SLC39A8: variants seen among roughly 807,000 people sequenced by gnomAD.
SLC39A8 encodes the protein metal cation symporter ZIP8.
Under a neutral mutation model 40.4 loss-of-function variants are expected in SLC39A8, and 15 were observed. The ratio of observed to expected loss-of-function variants is 0.37; its 90% CI spans 0.25 to 0.57. SLC39A8 has a LOEUF of 0.57. Among genes scored for constraint, SLC39A8 ranks in the 20% least tolerant of loss-of-function variants. SLC39A8 has a pLI of 0.75. For synonymous variants in SLC39A8, 223 were observed against 221.6 expected (o/e 1.01, Z -0.06); for missense variants, 472 against 558.8 (o/e 0.84, Z 1.57).
At chr4:102,305,856 A>T (rs1159965381) in intron 4 of SLC39A8, among the ~76,000 whole-genome samples, 2 of 152,018 alleles carry the variant, frequency 1.3e-5, no homozygotes, top group African/African-American at 2.4e-5. Context: ...GGAGAGACTA[A>T]TGGGTGAAAA....
intron 6 of SLC39A8, among the ~76,000 whole-genome samples, chr4:102,288,548 T>G (rs1366316114): frequency 1.3e-5 from 2 of 152,144 alleles, no homozygotes; most frequent in African/African-American, 4.8e-5. Context: ...GAGGAAAACA[T>G]GTCAAAAGCC....
intron 3 of SLC39A8, among the ~76,000 whole-genome samples, chr4:102,310,009 CT>C (rs1734354539): frequency 6.6e-6 from 1 of 152,146 alleles, no homozygotes; most frequent in South Asian, 2.1e-4. Flanking sequence ...GGCCTACAGA[CT>C]TATACTAAAT....
At chr4:102,303,830 G>T (rs1356692036) in intron 6 of SLC39A8, among the ~76,000 whole-genome samples, 1 of 151,834 alleles carries the variant, frequency 6.6e-6, no homozygotes, top group African/African-American at 2.4e-5. Flanking sequence ...CCTGGTATAT[G>T]ATACGTGCTC....
chr4:102,294,587 T>C (rs1733600447), intron 6 of SLC39A8, among the ~76,000 whole-genome samples: 2 of 152,078 alleles, frequency 1.3e-5, no homozygotes, highest in South Asian at 4.1e-4. Flanking sequence ...TTCCCCTCTC[T>C]CTGCTAATTG....
intron 2 of SLC39A8, among the ~76,000 whole-genome samples, chr4:102,326,789 G>C (rs577997648): frequency 6.6e-6 from 1 of 152,180 alleles, no homozygotes; most frequent in South Asian, 2.1e-4. Context: ...CCAGCAGAGA[G>C]AGCCCTTATG....
At chr4:102,320,169 A>G (rs1358048315) in intron 2 of SLC39A8, among the ~76,000 whole-genome samples, 2 of 24,568 alleles carry the variant, frequency 8.1e-5, no homozygotes, top group Non-Finnish European at 1.9e-4. Context: ...ATATATATAC[A>G]TATATATATA....
At chr4:102,282,547 GT>G (rs944241195) in intron 6 of SLC39A8, among the ~76,000 whole-genome samples, 1 of 151,626 alleles carries the variant, frequency 6.6e-6, no homozygotes, top group African/African-American at 2.4e-5. Context: ...AGGACAAGAT[GT>G]TTTTTTCCTT....
Position 102,254,508 on chromosome 4 carries a change from G to A in SLC39A8, c.*299-1078C>T, listed in dbSNP as rs1031940879. 2.0e-5 allele frequency among the ~76,000 whole-genome samples: 3 copies of A among 152,166 alleles called. No homozygotes were observed. In the South Asian group the frequency reaches 6.2e-4, roughly 32 times the overall value. ...ATTTTTAAGTATTATTTGGAAGAAA[G>A]TGAAATATAATTATTTCAACACTAA... On this transcript the variant is annotated intron_variant and NMD_transcript_variant, in intron 11 of 11. Transcript: ENST00000424970.
At chr4:102,304,617 G>C (rs1307914721) in intron 5 of SLC39A8, 136 bp from the exon 6 acceptor site, 13 of 665,512 alleles carry the variant, frequency 2.0e-5, no homozygotes, top group Admixed American at 3.6e-5. Context: ...AGTATTTTTA[G>C]ATATATAAAA....
rs1299829404 is a variant in SLC39A8, at chr4:102,262,679, T to C, written c.*365A>G. ...ACCATTTGAATCTTTGATCCTACCA[T>C]AGAGTTTTAAAGGCTTTCAGGATAT... On this transcript the variant is annotated 3_prime_UTR_variant, in exon 9 of 9. Coordinates refer to ENST00000356736, the MANE Select transcript of SLC39A8 (RefSeq NM_001135146.2). The C allele has an allele frequency of 1.0e-6, 1 of 996,340 alleles. No individual in the cohort carries two copies. The highest frequency in any genetic ancestry group is 1.2e-6 in the Non-Finnish European group (1 of 837,246). 61.7% of individuals were successfully genotyped at this position (996,340 alleles called of 1,614,324 possible).
intron 2 of SLC39A8, among the ~76,000 whole-genome samples, chr4:102,324,806 T>C (rs574244394): frequency 4.6e-5 from 7 of 152,302 alleles, no homozygotes; most frequent in South Asian, 2.1e-4. Flanking sequence ...TTGAAATACA[T>C]ACATTTAAAA....
chr4:102,287,801 TA>T (rs1733248757), intron 6 of SLC39A8, among the ~76,000 whole-genome samples: 1 of 152,184 alleles, frequency 6.6e-6, no homozygotes, highest in Non-Finnish European at 1.5e-5. Flanking sequence ...TTTGCTTTTT[TA>T]AAAGAACTCT....
At chr4:102,253,944 C>T (rs1273968247) in intron 11 of SLC39A8, among the ~76,000 whole-genome samples, 2 of 152,120 alleles carry the variant, frequency 1.3e-5, no homozygotes, top group African/African-American at 4.8e-5. Flanking sequence ...ATCTGGAACA[C>T]CTTACCCCCA....
At chr4:102,252,628 A>G (rs1360223372) in exon 12 of SLC39A8, 1 of 152,202 alleles carries the variant, frequency 6.6e-6, no homozygotes, top group Non-Finnish European at 1.5e-5. Flanking sequence ...GACTCCAGGG[A>G]AGAGGCTTGT....
At chr4:102,328,148 G>GT (rs144106631) in intron 2 of SLC39A8, among the ~76,000 whole-genome samples, 10,615 of 152,076 alleles carry the variant, frequency 0.07, 606 homozygotes, top group Non-Finnish European at 0.098. Context: ...ATTCTTTTAG[G>GT]TTTTTTATGT....
chr4:102,310,730 A>C (rs1458994057), intron 3 of SLC39A8, among the ~76,000 whole-genome samples: 1 of 152,124 alleles, frequency 6.6e-6, no homozygotes, highest in Non-Finnish European at 1.5e-5. Context: ...TGAAGCACCA[A>C]AAGTATACAT....
Position 102,304,547 on chromosome 4 carries a change from T to C in SLC39A8, c.676-66A>G, listed in dbSNP as rs41275737. The C allele has an allele frequency of 0.043, 56,188 of 1,316,230 alleles. 1,367 individuals are homozygous for C. Among genetic ancestry groups the C allele is most frequent in the Non-Finnish European group, 0.049 (46,280 of 950,978 alleles). 81.5% of individuals were successfully genotyped at this position (1,316,230 alleles called of 1,614,324 possible). A position where few individuals can be genotyped will look rare whatever the true frequency, so the allele number is the denominator to read the frequency against. ...AAGATGATTCATACAGACAAGGAAATAGAGTTTACTGCTTTTTATTTATAA... is the reference window on the plus strand; with the variant it reads ...AAGATGATTCATACAGACAAGGAAACAGAGTTTACTGCTTTTTATTTATAA... On this transcript the variant is annotated intron_variant, in intron 5 of 8. Transcript: ENST00000356736.
intron 2 of SLC39A8, among the ~76,000 whole-genome samples, chr4:102,318,224 T>C (rs1041152590): frequency 4.6e-5 from 7 of 152,100 alleles, no homozygotes; most frequent in South Asian, 2.1e-4. Context: ...TCAGATAGCT[T>C]AGCTGTGCAG....
intron 6 of SLC39A8, among the ~76,000 whole-genome samples, chr4:102,280,388 G>T (rs1732817533): frequency 6.6e-6 from 1 of 152,138 alleles, no homozygotes; most frequent in Non-Finnish European, 1.5e-5. Flanking sequence ...AAAGTCTAAT[G>T]CTCATTCCAC....
Sources: allele counts gnomAD v4.1 joint callset (sites outside exome capture counted in the v4.1 genomes callset), GRCh38; gene constraint gnomAD v4.1.1; transcripts MANE v1.5; gene names NCBI Gene and HGNC (gene_info 2026-07-23, HGNC 2026-07-21).